RALYL: variants seen among roughly 807,000 people sequenced by gnomAD.
RALYL encodes the protein RALY RNA binding protein like.
In RALYL, 29 loss-of-function variants were observed where a neutral mutation model predicts 35.1. The observed-to-expected ratio is 0.83, with a 90% CI of 0.61 to 1.13. The LOEUF is 1.13. Ranked by LOEUF, RALYL falls within the 50% of genes most tolerant of loss-of-function variation. The pLI, the probability that RALYL is intolerant of heterozygous loss-of-function variation, is 0.00. For synonymous variants in RALYL, 120 were observed against 127.6 expected (o/e 0.94, Z 0.40); for missense variants, 359 against 360.4 (o/e 1.00, Z 0.03).
intron 1 of RALYL, among the ~76,000 whole-genome samples, chr8:84,402,848 C>T (rs529804840): frequency 6.6e-6 from 1 of 152,244 alleles, no homozygotes; most frequent in African/African-American, 2.4e-5. Context: ...TTAATGATCG[C>T]CATTCTAACT....
intron 8 of RALYL, among the ~76,000 whole-genome samples, chr8:84,899,230 C>T (rs1228842135): frequency 1.3e-5 from 2 of 152,176 alleles, no homozygotes; most frequent in African/African-American, 2.4e-5. Flanking sequence ...CCAACAAGGA[C>T]ACATCCATTT....
At chr8:84,695,464 C>T (rs1838935010) in intron 2 of RALYL, among the ~76,000 whole-genome samples, 2 of 151,792 alleles carry the variant, frequency 1.3e-5, no homozygotes, top group African/African-American at 4.8e-5. Flanking sequence ...TTTCAAGTGT[C>T]AGGGTACTGG....
intron 2 of RALYL, among the ~76,000 whole-genome samples, chr8:84,580,356 A>G (rs1810533854): frequency 6.6e-6 from 1 of 152,244 alleles, no homozygotes. Context: ...AGCAGGCTGT[A>G]TAAGAAGGAG....
intron 1 of RALYL, among the ~76,000 whole-genome samples, chr8:84,385,751 C>A (rs920590659): frequency 6.6e-6 from 1 of 151,776 alleles, no homozygotes; most frequent in African/African-American, 2.4e-5. Context: ...GGCTAGCTAG[C>A]CTTTGATGTT....
intron 1 of RALYL, among the ~76,000 whole-genome samples, chr8:84,198,072 T>C (rs1815845858): frequency 6.6e-6 from 1 of 152,166 alleles, no homozygotes; most frequent in East Asian, 1.9e-4. Flanking sequence ...AATATCTATG[T>C]ACACACTCTT....
intron 1 of RALYL, among the ~76,000 whole-genome samples, chr8:84,335,546 T>A (rs1009349250): frequency 2.6e-5 from 4 of 151,894 alleles, no homozygotes; most frequent in African/African-American, 9.7e-5. Context: ...CAAATCAAAT[T>A]TTCTGAATTT....
intron 2 of RALYL, among the ~76,000 whole-genome samples, chr8:84,650,715 T>A (rs1324847669): frequency 6.6e-6 from 1 of 151,760 alleles, no homozygotes; most frequent in Non-Finnish European, 1.5e-5. Flanking sequence ...AGCCATCCCA[T>A]TACTGGGTAT....
intron 1 of RALYL, among the ~76,000 whole-genome samples, chr8:84,237,376 G>T (rs59140784): frequency 0.1 from 15,235 of 152,158 alleles, 1,053 homozygotes; most frequent in African/African-American, 0.2. Flanking sequence ...AGAAGTGACA[G>T]TCTTGGGTAT....
intron 1 of RALYL, among the ~76,000 whole-genome samples, chr8:84,211,227 A>G (rs981337041): frequency 6.6e-6 from 1 of 152,078 alleles, no homozygotes; most frequent in Non-Finnish European, 1.5e-5. Context: ...TTTCTTGCAT[A>G]CCTTTCTCGT....
chr8:84,262,450 T>C (rs1832494744), intron 1 of RALYL, among the ~76,000 whole-genome samples: 1 of 152,162 alleles, frequency 6.6e-6, no homozygotes, highest in African/African-American at 2.4e-5. Context: ...ATGATAATTA[T>C]TGAATAAAAT....
chr8:84,725,768 A>G (rs1034831271), intron 2 of RALYL, among the ~76,000 whole-genome samples: 4 of 151,688 alleles, frequency 2.6e-5, no homozygotes, highest in Non-Finnish European at 5.9e-5. Flanking sequence ...ACAGATTCCT[A>G]TATACTCTTT....
intron 1 of RALYL, among the ~76,000 whole-genome samples, chr8:84,321,997 C>T (rs1018508421): frequency 6.6e-6 from 1 of 151,924 alleles, no homozygotes; most frequent in Admixed American, 6.6e-5. Flanking sequence ...ATGCATGTAC[C>T]TAACAACAGA....
chr8:84,557,088 T>G (rs947127939), intron 2 of RALYL, among the ~76,000 whole-genome samples: 4 of 152,236 alleles, frequency 2.6e-5, no homozygotes, highest in African/African-American at 7.2e-5. Flanking sequence ...AGTTTTCTTC[T>G]ACTGCATGTG....
At chr8:84,269,286 G>T (rs1833871722) in intron 1 of RALYL, among the ~76,000 whole-genome samples, 1 of 152,088 alleles carries the variant, frequency 6.6e-6, no homozygotes, top group East Asian at 1.9e-4. Flanking sequence ...TGGACTGGTG[G>T]CCACTAGTGC....
At chr8:84,410,700 T>C (rs1218823278) in intron 1 of RALYL, among the ~76,000 whole-genome samples, 2 of 151,776 alleles carry the variant, frequency 1.3e-5, no homozygotes, top group Admixed American at 1.3e-4. Flanking sequence ...TTTTGTAGAT[T>C]AAATAAAACA....
intron 1 of RALYL, among the ~76,000 whole-genome samples, chr8:84,235,761 C>CTTTTTTTTTTT (rs200486763): frequency 7.2e-6 from 1 of 138,214 alleles, no homozygotes; most frequent in African/African-American, 2.8e-5. Flanking sequence ...TTTTCTTTTT[C>CTTTTTTTTTTT]TTTTTCTTTT....
At chr8:84,192,721 T>C (rs1435039417) in intron 1 of RALYL, among the ~76,000 whole-genome samples, 1 of 151,678 alleles carries the variant, frequency 6.6e-6, no homozygotes, top group African/African-American at 2.4e-5. Flanking sequence ...ACATGCCCAG[T>C]TATTTTTTGT....
intron 2 of RALYL, among the ~76,000 whole-genome samples, chr8:84,763,262 G>A (rs980201049): frequency 9.2e-5 from 14 of 152,150 alleles, no homozygotes; most frequent in Admixed American, 2.0e-4. Flanking sequence ...AAATCTTGGG[G>A]TCTCCTTTGC....
intron 1 of RALYL, among the ~76,000 whole-genome samples, chr8:84,212,320 T>C (rs1213790112): frequency 6.6e-6 from 1 of 152,210 alleles, no homozygotes; most frequent in Non-Finnish European, 1.5e-5. Context: ...TCCCTTACCA[T>C]AAATTATATT....
Sources: gnomAD v4.1 joint callset for allele counts (sites outside exome capture counted in the v4.1 genomes callset) on GRCh38, gnomAD v4.1.1 for gene constraint, MANE v1.5 for transcripts, NCBI Gene and HGNC (gene_info 2026-07-23, HGNC 2026-07-21) for gene names.